Variants in MAP4K3 observed in about 807,000 individuals in gnomAD.
MAP4K3 encodes MAPK/ERK kinase kinase kinase 3.
A neutral mutation model predicts 143.5 loss-of-function variants in MAP4K3; 94 were observed. The ratio of observed to expected loss-of-function variants is 0.65; its 90% confidence interval spans 0.55 to 0.78. MAP4K3 has a LOEUF of 0.78. Ranked by LOEUF, MAP4K3 falls within the 30% of genes least tolerant of loss-of-function variation. The pLI is 0.00. For missense variants in MAP4K3, 1,077 were observed against 1,068.1 expected (o/e 1.01, Z -0.12); for synonymous variants, 416 against 347.2 (o/e 1.20, Z -2.20).
chr2:39,437,113 A>C lies in MAP4K3; in HGVS notation c.-126T>G, dbSNP rs2148645441. On this transcript the variant is annotated 5_prime_UTR_variant, in exon 1 of 34. Coordinates refer to ENST00000263881, the MANE Select transcript of MAP4K3 (RefSeq NM_003618.4). ...CCGGCGGTCACAATCACCCGGCTCCACGCTGCGGCCGCCGCCGCCGCCGCC... is the reference window on the plus strand; with the variant it reads ...CCGGCGGTCACAATCACCCGGCTCCCCGCTGCGGCCGCCGCCGCCGCCGCC... 3.6e-6 allele frequency: 2 copies of C among 562,038 alleles called. No individual in the cohort carries two copies. Among genetic ancestry groups the C allele is most frequent in the Non-Finnish European group, 5.6e-6 (2 of 354,620 alleles). 34.8% of individuals were successfully genotyped at this position (562,038 alleles called of 1,614,324 possible). A position where few individuals can be genotyped will look rare whatever the true frequency, so the allele number is the denominator to read the frequency against.
chr2:39,273,748 T>G (rs1326752438), intron 24 of MAP4K3, among the ~76,000 whole-genome samples: 3 of 152,236 alleles, frequency 2.0e-5, no homozygotes, highest in African/African-American at 7.2e-5. Context: ...AATGTGGCAT[T>G]GCCAATACAG....
intron 1 of MAP4K3, among the ~76,000 whole-genome samples, chr2:39,396,630 C>T (rs913882079): frequency 1.3e-4 from 19 of 151,950 alleles, no homozygotes; most frequent in African/African-American, 4.1e-4. Context: ...CCCGCCACTA[C>T]GCCCGGCTAA....
intron 1 of MAP4K3, among the ~76,000 whole-genome samples, chr2:39,424,930 A>C (rs1028901547): frequency 6.6e-6 from 1 of 152,030 alleles, no homozygotes; most frequent in Non-Finnish European, 1.5e-5. Context: ...AAGAATTCAA[A>C]TCCAAGAGTC....
At chr2:39,376,874 C>T (rs143915479) in intron 2 of MAP4K3, among the ~76,000 whole-genome samples, 2,056 of 152,286 alleles carry the variant, frequency 0.014, 24 homozygotes, top group Non-Finnish European at 0.02. Context: ...AATATTTCAA[C>T]AACTTCAAAT....
chr2:39,265,687 G>C (rs537544440), intron 27 of MAP4K3, among the ~76,000 whole-genome samples: 1 of 152,062 alleles, frequency 6.6e-6, no homozygotes, highest in Non-Finnish European at 1.5e-5. Flanking sequence ...CAACACATTC[G>C]GGTGGTTCAC....
intron 1 of MAP4K3, among the ~76,000 whole-genome samples, chr2:39,433,052 A>G (rs1204152735): frequency 6.6e-6 from 1 of 152,244 alleles, no homozygotes; most frequent in Non-Finnish European, 1.5e-5. Context: ...AAAGTTTACC[A>G]GGTTTCTTTA....
chr2:39,422,264 A>G (rs1014733460), intron 1 of MAP4K3, among the ~76,000 whole-genome samples: 2 of 152,084 alleles, frequency 1.3e-5, no homozygotes, highest in Admixed American at 1.3e-4. Context: ...TGCTTTACCA[A>G]CTACTCTTTC....
chr2:39,357,500 T>C (rs1420991727), intron 2 of MAP4K3, among the ~76,000 whole-genome samples: 5 of 152,174 alleles, frequency 3.3e-5, no homozygotes, highest in Non-Finnish European at 5.9e-5. Flanking sequence ...AGCCCAACCA[T>C]GAACCATGTG....
intron 21 of MAP4K3, among the ~76,000 whole-genome samples, chr2:39,286,162 G>A (rs1681768314): frequency 6.6e-6 from 1 of 152,226 alleles, no homozygotes; most frequent in Non-Finnish European, 1.5e-5. Context: ...TTTTGGGGAT[G>A]AAACTGTTCC....
At chr2:39,392,433 C>T (rs1291720152) in intron 1 of MAP4K3, among the ~76,000 whole-genome samples, 1 of 152,104 alleles carries the variant, frequency 6.6e-6, no homozygotes, top group African/African-American at 2.4e-5. Flanking sequence ...TAAAGCATCC[C>T]AAAGTGACGC....
Position 39,293,404 on chromosome 2 carries a change from G to C in MAP4K3, c.1179-136C>G, listed in dbSNP as rs1051780269. On this transcript the variant is annotated intron_variant, in intron 16 of 33. Coordinates refer to ENST00000263881, the MANE Select transcript of MAP4K3 (RefSeq NM_003618.4). The stretch of plus-strand genomic sequence containing the variant: ...TTTACCATTTACTGAAAATTTGCTA[G>C]TGATCACCTCTGCAACCATAAAACA... 8.7e-5 allele frequency: 53 copies of C among 611,072 alleles called. No homozygotes were observed. The African/African-American group carries it at 9.7e-4, about 11-fold the overall frequency. The allele number at this position is 611,072 out of a possible 1,614,324, so 37.9% of individuals were successfully genotyped here.
rs546594080 is a variant in MAP4K3 at position 39,427,647 on chromosome 2, G to A, written c.96+9245C>T. Reference sequence around the variant, plus strand: ...TAATTACACAAGTTGCAAATTTAACGGTAACCACCAAAAGCATAAAAGTAA... The same window carrying A: ...TAATTACACAAGTTGCAAATTTAACAGTAACCACCAAAAGCATAAAAGTAA... On this transcript the variant is annotated intron_variant, in intron 1 of 33. Coordinates refer to ENST00000263881, the MANE Select transcript of MAP4K3 (RefSeq NM_003618.4). Among the ~76,000 whole-genome samples, 115 of 152,120 alleles carry A rather than the reference G, an allele frequency of 7.6e-4. 1 individual carries two copies. Among genetic ancestry groups the A allele is most frequent in the African/African-American group, 2.4e-3 (101 of 41,516 alleles).
chr2:39,311,684 A>G (rs1218830240), intron 13 of MAP4K3, among the ~76,000 whole-genome samples: 1 of 152,204 alleles, frequency 6.6e-6, no homozygotes, highest in East Asian at 1.9e-4. Flanking sequence ...GCCAATAGTT[A>G]CGTGAATGAG....
chr2:39,255,401 A>T (rs1366610143), intron 31 of MAP4K3, among the ~76,000 whole-genome samples: 2 of 152,186 alleles, frequency 1.3e-5, no homozygotes, highest in Non-Finnish European at 1.5e-5. Flanking sequence ...TCAGGGAGGA[A>T]TAAATCTTAT....
At chr2:39,290,151 A>T (rs540998796) in intron 19 of MAP4K3, 141 bp downstream of exon 19, 62 of 580,738 alleles carry the variant, frequency 1.1e-4, no homozygotes, top group Admixed American at 1.5e-4. Flanking sequence ...AGACAAACAT[A>T]ATAAAAAATC....
chr2:39,423,393 C>A (rs1281892943), intron 1 of MAP4K3, among the ~76,000 whole-genome samples: 2 of 152,186 alleles, frequency 1.3e-5, no homozygotes. Context: ...TCTTACCACA[C>A]AATCCAGCAA....
chr2:39,278,850 G>GAT lies in MAP4K3; in HGVS notation c.1715-366_1715-365dup, dbSNP rs60400504. On this transcript the variant is annotated intron_variant, in intron 23 of 33. Coordinates refer to ENST00000263881, the MANE Select transcript of MAP4K3 (RefSeq NM_003618.4). ...ACAGAATATAAAATCGAGAGTGGCTGATACAGATTCTAATTATTTCTACAG... is the reference window on the plus strand; with the variant it reads ...ACAGAATATAAAATCGAGAGTGGCTGATATACAGATTCTAATTATTTCTACAG... 8.7e-3 allele frequency among the ~76,000 whole-genome samples: 1,331 copies of GAT among 152,198 alleles called. 24 individuals carry two copies. The highest frequency in any genetic ancestry group is 0.03 in the African/African-American group (1,240 of 41,538).
rs748297507 is a variant in MAP4K3, at chr2:39,286,819, A to T, written c.1587+33T>A. On this transcript the variant is annotated intron_variant, in intron 21 of 33. Transcript: ENST00000263881. ...AACTTAACAGTTAAAAAGGAAACAA[A>T]TACAAGTAGAACTTATGACTATCAA... is the stretch of plus-strand genomic sequence containing the variant. 1.5e-5 allele frequency: 21 copies of T among 1,397,124 alleles called. No homozygotes were observed. The African/African-American group carries it at 2.7e-4, about 18-fold the overall frequency. The allele number at this position is 1,397,124 out of a possible 1,614,324, so 86.5% of individuals were successfully genotyped here. A position where few individuals can be genotyped will look rare whatever the true frequency, so the allele number is the denominator to read the frequency against.
intron 26 of MAP4K3, among the ~76,000 whole-genome samples, chr2:39,268,967 C>T (rs1180125350): frequency 6.6e-6 from 1 of 152,042 alleles, no homozygotes; most frequent in Non-Finnish European, 1.5e-5. Context: ...CACCATGTTG[C>T]CCAGGCTGGT....
Sources: gnomAD v4.1 joint callset for allele counts (sites outside exome capture counted in the v4.1 genomes callset) on GRCh38, gnomAD v4.1.1 for gene constraint, MANE v1.5 for transcripts, NCBI Gene and HGNC (gene_info 2026-07-23, HGNC 2026-07-21) for gene names.